Variants in ZBTB46 observed in about 807,000 individuals in gnomAD.
ZBTB46 encodes zinc finger and BTB domain containing 46.
Under a neutral mutation model 44.1 loss-of-function variants are expected in ZBTB46, and 8 were observed. That is an observed-to-expected ratio of 0.18 (90% confidence interval 0.11 to 0.33). The LOEUF (loss-of-function observed/expected upper bound fraction) is 0.33. Ranked by LOEUF, ZBTB46 falls within the 10% of genes least tolerant of loss-of-function variation. The pLI is 1.00. For synonymous variants in ZBTB46, 409 were observed against 382.3 expected, an observed-to-expected ratio of 1.07 and a Z score of -0.81; for missense variants, 651 against 847.7, an observed-to-expected ratio of 0.77 and a Z score of 2.88.
intron 4 of ZBTB46, among the ~76,000 whole-genome samples, chr20:63,747,534 G>GA: frequency 1.8e-5 from 2 of 112,146 alleles, no homozygotes; most frequent in East Asian, 3.1e-4. Context: ...GGGCCTGGTG[G>GA]GTGGGGGGGG....
At chr20:63,792,966 C>T (rs1329681031) in intron 1 of ZBTB46, among the ~76,000 whole-genome samples, 7 of 152,230 alleles carry the variant, frequency 4.6e-5, no homozygotes, top group Non-Finnish European at 1.0e-4. Flanking sequence ...TCCCAGGCCC[C>T]CACAGCCGGT....
At position 63,752,429 on chromosome 20, in the gene ZBTB46, C is replaced by T. The variant is rs905601170; in HGVS notation, c.1398+257G>A. On this transcript the variant is annotated intron_variant, in intron 4 of 4. Transcript: ENST00000245663. This position sits in a 1 kb window ranked among gnomAD's most constrained non-coding sequence, Gnocchi z 5.6. ...GCAGAGCGAGCTGAGTTTGCCGAGG[C>T]CTGGCTGCCTTGGCGGCCAGCAGGT... 6.6e-6 allele frequency among the ~76,000 whole-genome samples: 1 copy of T among 152,070 alleles called. No homozygotes were observed. Among genetic ancestry groups the T allele is most frequent in the East Asian group, 1.9e-4 (1 of 5,156 alleles).
intron 1 of ZBTB46, among the ~76,000 whole-genome samples, chr20:63,816,705 G>A (rs1041634803): frequency 6.6e-6 from 1 of 152,148 alleles, no homozygotes; most frequent in Non-Finnish European, 1.5e-5. Flanking sequence ...CTGCAAACGT[G>A]ACCTTATTTG....
chr20:63,775,717 G>T lies in ZBTB46; in HGVS notation c.1183C>A (p.Leu395Met). 1 of 1,606,414 alleles carries T rather than the reference G, an allele frequency of 6.2e-7. No individual in the cohort carries two copies. Residue 395 changes from leucine (L) to methionine (M), a missense_variant, in exon 3 of 5, where the codon CTG becomes ATG. Transcript: ENST00000245663. ...GCCCCTCTGGGCAGGTACTCGAACA[G>T]CAGGGAGCCGTCATCCCCCAGCACG... ...ADVLGDDGSL[L>M]FEYLPRGAHS... is the part of the protein sequence containing the mutation.
rs1305449883 is a variant in ZBTB46, at chr20:63,815,991, A to AGTGGGCACAG, written c.-34+15096_-34+15105dup. Among the ~76,000 whole-genome samples the AGTGGGCACAG allele has an allele frequency of 3.0e-5, 4 of 134,794 alleles. No individual in the cohort carries two copies. In the East Asian group the frequency reaches 7.2e-4, roughly 24 times the overall value. 88.4% of individuals were successfully genotyped at this position (134,794 alleles called of 152,430 possible). On this transcript the variant is annotated intron_variant, in intron 1 of 4. Coordinates refer to ENST00000245663, the MANE Select transcript of ZBTB46 (RefSeq NM_001369741.1). ...GTGCAGGTACAGTGGGCGCAGGTGCAGTGGGCACAGGTGGGCACAGGTGCA... is the reference window on the plus strand; with the variant it reads ...GTGCAGGTACAGTGGGCGCAGGTGCAGTGGGCACAGGTGGGCACAGGTGGGCACAGGTGCA...
At chr20:63,782,452 G>C (rs1196281825) in intron 2 of ZBTB46, among the ~76,000 whole-genome samples, 10 of 152,176 alleles carry the variant, frequency 6.6e-5, no homozygotes, top group Non-Finnish European at 1.3e-4. Context: ...GGAGCTCCAG[G>C]GGATGCAGCC....
intron 1 of ZBTB46, among the ~76,000 whole-genome samples, chr20:63,817,299 G>T (rs937394780): frequency 6.6e-6 from 1 of 152,110 alleles, no homozygotes; most frequent in Non-Finnish European, 1.5e-5. Flanking sequence ...CCAGCTACTT[G>T]GGAGGCTGAG....
chr20:63,830,089 T>C (rs1179956320), intron 1 of ZBTB46, among the ~76,000 whole-genome samples: 1 of 152,218 alleles, frequency 6.6e-6, no homozygotes, highest in African/African-American at 2.4e-5. Flanking sequence ...TCTCAAACTT[T>C]CTTTTGTTTA....
At chr20:63,830,187 G>A (rs983930262) in intron 1 of ZBTB46, among the ~76,000 whole-genome samples, 3 of 152,180 alleles carry the variant, frequency 2.0e-5, no homozygotes, top group Admixed American at 6.5e-5. Context: ...TGTGTGCTTC[G>A]TTAAACCTAC....
chr20:63,809,120 C>T lies in ZBTB46; in HGVS notation c.-33-18330G>A, dbSNP rs551941783. Among the ~76,000 whole-genome samples the T allele has an allele frequency of 4.0e-4, 61 of 152,286 alleles. 1 individual carries two copies. The highest frequency in any genetic ancestry group is 1.8e-3 in the Admixed American group (28 of 15,308). On this transcript the variant is annotated intron_variant, in intron 1 of 4. Coordinates refer to ENST00000245663, the MANE Select transcript of ZBTB46 (RefSeq NM_001369741.1). ...AGGGGCTCTCCACGTTCGCCTTCCA[C>T]GTTCCCCTTCGCAGGGACCGCAGCG... is the stretch of plus-strand genomic sequence containing the variant.
intron 3 of ZBTB46, among the ~76,000 whole-genome samples, chr20:63,762,668 ACAAACAAAC>A (rs1308911693): frequency 4.8e-4 from 51 of 105,856 alleles, no homozygotes; most frequent in African/African-American, 2.1e-3. Context: ...AAACAAACAA[ACAAACAAAC>A]AAAAAAAAAA....
intron 1 of ZBTB46, among the ~76,000 whole-genome samples, chr20:63,816,192 G>A (rs756009759): frequency 1.3e-5 from 2 of 152,086 alleles, no homozygotes; most frequent in African/African-American, 2.4e-5. Flanking sequence ...GTGGGCACAG[G>A]TGCAGTGAGC....
rs1029863150 is a variant in ZBTB46, at chr20:63,784,149, A to T, written c.937+5672T>A. 3.9e-5 allele frequency among the ~76,000 whole-genome samples: 6 copies of T among 152,184 alleles called. No individual in the cohort carries two copies. In the South Asian group the frequency reaches 1.2e-3, roughly 31 times the overall value. On this transcript the variant is annotated intron_variant, in intron 2 of 4. Coordinates refer to ENST00000245663, the MANE Select transcript of ZBTB46 (RefSeq NM_001369741.1). ...GACACAGCCACGGCCCCCTCCGCTC[A>T]CCAGTTCCTGCTTTATCCCCAGCAA...
intron 2 of ZBTB46, among the ~76,000 whole-genome samples, chr20:63,783,609 T>C (rs1192438478): frequency 6.6e-6 from 1 of 152,174 alleles, no homozygotes; most frequent in Non-Finnish European, 1.5e-5. Flanking sequence ...ATTCTGTTCA[T>C]ACCTGAAAGC....
At chr20:63,753,469 C>A (rs2092190255) in intron 3 of ZBTB46, among the ~76,000 whole-genome samples, 1 of 152,248 alleles carries the variant, frequency 6.6e-6, no homozygotes, top group Non-Finnish European at 1.5e-5. Flanking sequence ...CTCCACACCA[C>A]CATCTCCATG....
At chr20:63,764,599 T>C (rs2092303022) in intron 3 of ZBTB46, among the ~76,000 whole-genome samples, 1 of 134,688 alleles carries the variant, frequency 7.4e-6, no homozygotes, top group African/African-American at 3.0e-5. Flanking sequence ...TAAGCATTTT[T>C]TCTCTGTTTT....
chr20:63,756,119 C>T (rs2092218510), intron 3 of ZBTB46, among the ~76,000 whole-genome samples: 1 of 152,240 alleles, frequency 6.6e-6, no homozygotes, highest in Admixed American at 6.5e-5. Context: ...CTCTGGCCTC[C>T]CTGCACCAAG....
intron 3 of ZBTB46, among the ~76,000 whole-genome samples, chr20:63,771,420 G>C (rs145154013): frequency 6.6e-6 from 1 of 152,156 alleles, no homozygotes; most frequent in Non-Finnish European, 1.5e-5. Context: ...ACGCGGTCCC[G>C]CCGGGCCTGG....
chr20:63,795,562 C>A (rs966053052), intron 1 of ZBTB46, among the ~76,000 whole-genome samples: 1 of 152,228 alleles, frequency 6.6e-6, no homozygotes, highest in African/African-American at 2.4e-5. Context: ...ACAGTGCACG[C>A]TAACGAACTG....
Sources: gnomAD v4.1 joint callset for allele counts (sites outside exome capture counted in the v4.1 genomes callset) on GRCh38, gnomAD v4.1.1 for gene constraint, Gnocchi (gnomAD v3.1) non-coding constraint, MANE v1.5 for transcripts, NCBI Gene and HGNC (gene_info 2026-07-23, HGNC 2026-07-21) for gene names.